The following TRMT13 variants were observed in gnomAD, a reference collection of about 807,000 sequenced individuals.
The protein encoded by TRMT13 is tRNA:m(4)X modification enzyme TRM13 homolog.
In TRMT13, 45 loss-of-function variants were observed where a neutral mutation model predicts 55.9. The observed-to-expected ratio is 0.80, with a 90% CI of 0.63 to 1.03. The LOEUF is 1.03. Among genes scored for constraint, TRMT13 ranks in the 50% least tolerant of loss-of-function variants. TRMT13 has a pLI of 0.00. For missense variants in TRMT13, 513 were observed against 563.9 expected (o/e 0.91, Z 0.91); for synonymous variants, 183 against 196.3 (o/e 0.93, Z 0.57).
Position 100,133,496 on chromosome 1 carries a change from G to T in TRMT13, c.147+181G>T, listed in dbSNP as rs557406155. Among the ~76,000 whole-genome samples, 13 of 152,216 alleles carry T rather than the reference G, an allele frequency of 8.5e-5. No individual in the cohort carries two copies. In the East Asian group the frequency reaches 2.1e-3, roughly 25 times the overall value. On this transcript the variant is annotated intron_variant, in intron 1 of 10. Transcript: ENST00000370141. ...GAGCGATTATGAGTTCTAGTGATGA[G>T]AAATTTTTTATTTTTCTAAGTAAAG... is the stretch of plus-strand genomic sequence containing the variant.
chr1:100,142,168 A>G (rs1360161268), intron 7 of TRMT13, among the ~76,000 whole-genome samples: 1 of 152,210 alleles, frequency 6.6e-6, no homozygotes, highest in Non-Finnish European at 1.5e-5. Context: ...ACCCAATCCT[A>G]TGGGAGCATG....
At chr1:100,146,631 G>T (rs995322168) in intron 9 of TRMT13, among the ~76,000 whole-genome samples, 6 of 151,938 alleles carry the variant, frequency 3.9e-5, no homozygotes, top group African/African-American at 1.5e-4. Context: ...TCAGCCTCCC[G>T]AATTGCTGGG....
In TRMT13 at chr1:100,133,220, A is replaced by AC. The variant is rs749898118; in HGVS notation, c.52_53insC (p.Arg18ThrfsTer26). 1.9e-6 allele frequency: 3 copies of AC among 1,614,176 alleles called. No homozygotes were observed. ...CGCGCCTGGTTTTCCAGCTGAGGGT[A>AC]GATGCGGTTACTATGTGGAAAAGAA... On this transcript the variant is annotated frameshift_variant, in exon 1 of 11. Transcript: ENST00000370141. LOFTEE classifies it high-confidence loss of function.
intron 9 of TRMT13, among the ~76,000 whole-genome samples, chr1:100,146,230 C>G (rs1376794577): frequency 6.6e-6 from 1 of 152,186 alleles, no homozygotes; most frequent in Non-Finnish European, 1.5e-5. Context: ...ATAATACCCT[C>G]TGCATATTTT....
chr1:100,141,026 G>T lies in TRMT13; in HGVS notation c.669+7G>T. 1 of 1,608,948 alleles carries T rather than the reference G, an allele frequency of 6.2e-7. No homozygotes were observed. Among genetic ancestry groups the T allele is most frequent in the South Asian group, 1.1e-5 (1 of 90,372 alleles). Reference sequence around the variant, plus strand: ...GGTGACCACAAGATTCAAGGTAAGTGAAACCATTGCTCTGTGTTAGTAACC... The same window carrying T: ...GGTGACCACAAGATTCAAGGTAAGTTAAACCATTGCTCTGTGTTAGTAACC... On this transcript the variant is annotated splice_region_variant and intron_variant, in intron 7 of 10. Coordinates refer to ENST00000370141, the MANE Select transcript of TRMT13 (RefSeq NM_019083.3).
rs762708286 is a variant in TRMT13 at position 100,149,470 on chromosome 1, T to A, written c.*650T>A. 6.6e-6 allele frequency: 10 copies of A among 1,523,076 alleles called. 1 individual carries two copies. In the South Asian group the frequency reaches 1.3e-4, roughly 19 times the overall value. 94.3% of individuals were successfully genotyped at this position (1,523,076 alleles called of 1,614,324 possible). On this transcript the variant is annotated 3_prime_UTR_variant, in exon 11 of 11. Transcript: ENST00000370141. ...AAGAAAAAAGATTATTTCACTTAAT[T>A]ATTTTGTTGGATAATTGTCTAGTTA...
At position 100,133,194 on chromosome 1, in the gene TRMT13, A is replaced by C; in HGVS notation, c.26A>C (p.His9Pro). 6.2e-7 allele frequency: 1 copy of C among 1,614,152 alleles called. No homozygotes were observed. Among genetic ancestry groups the C allele is most frequent in the Non-Finnish European group, 8.5e-7 (1 of 1,180,020 alleles). The change falls in exon 1 of 11, where the codon CAC becomes CCC. Residue 9 changes from histidine (H) to proline (P), a missense_variant. Physicochemically the swap from His to Pro is moderately conservative, Grantham distance 77. Coordinates refer to ENST00000370141, the MANE Select transcript of TRMT13 (RefSeq NM_019083.3). Reference sequence around the variant, plus strand: ...ATGGCGACCTCCGCGACGTCGCCGCACGCGCCTGGTTTTCCAGCTGAGGGT... The same window carrying C: ...ATGGCGACCTCCGCGACGTCGCCGCCCGCGCCTGGTTTTCCAGCTGAGGGT... MATSATSP[H>P]APGFPAEGRC... is the part of the protein sequence containing the mutation.
Position 100,148,324 on chromosome 1 carries a change from T to C in TRMT13, c.1248T>C (p.Pro416=), listed in dbSNP as rs1477050861. 1 of 1,611,090 alleles carries C rather than the reference T, an allele frequency of 6.2e-7. No individual in the cohort carries two copies. The highest frequency in any genetic ancestry group is 8.5e-7 in the Non-Finnish European group (1 of 1,178,348). ...RITDDGADCL[P]GLLSVEEKKK... ...CAGATGATGGCGCTGATTGTTTGCC[T>C]GGGTAAGAGACTACTTTTGTAATGC... is the stretch of plus-strand genomic sequence containing the variant. The change falls in exon 10 of 11, where the codon CCT becomes CCC. Residue 416 remains proline, a splice_region_variant and synonymous_variant. Coordinates refer to ENST00000370141, the MANE Select transcript of TRMT13 (RefSeq NM_019083.3).
intron 1 of TRMT13, 116 bp downstream of exon 1, chr1:100,133,431 C>T: frequency 1.6e-6 from 2 of 1,268,970 alleles, no homozygotes; most frequent in Non-Finnish European, 2.1e-6. Flanking sequence ...CTGGATTCTC[C>T]AGCTTTCACT....
intron 9 of TRMT13, among the ~76,000 whole-genome samples, chr1:100,146,130 A>G (rs562901949): frequency 1.3e-5 from 2 of 152,162 alleles, no homozygotes; most frequent in South Asian, 4.2e-4. Context: ...CCCAAACAAA[A>G]CAACTGGTCA....
chr1:100,145,964 T>G (rs558208141), intron 9 of TRMT13, among the ~76,000 whole-genome samples: 2 of 152,354 alleles, frequency 1.3e-5, no homozygotes, highest in Admixed American at 1.3e-4. Flanking sequence ...CCAAACTCTT[T>G]GACATAACGT....
At chr1:100,141,668 A>G (rs1656655306) in intron 7 of TRMT13, among the ~76,000 whole-genome samples, 1 of 152,196 alleles carries the variant, frequency 6.6e-6, no homozygotes, top group Non-Finnish European at 1.5e-5. Flanking sequence ...GACCCAGGCA[A>G]ATACATAAAT....
chr1:100,137,138 G>C (rs1655983020), intron 3 of TRMT13, 53 bp downstream of exon 3: 1 of 1,392,718 alleles, frequency 7.2e-7, no homozygotes, highest in Non-Finnish European at 1.0e-6. Context: ...GTAATGCCTT[G>C]GTAGATGCTG....
At chr1:100,144,286 A>G in intron 9 of TRMT13, 143 bp downstream of exon 9, 1 of 604,136 alleles carries the variant, frequency 1.7e-6, no homozygotes, top group South Asian at 2.2e-5. Context: ...CCTGTGCTTT[A>G]TTAGATGCAT....
Position 100,140,654 on chromosome 1 carries a change from A to G in TRMT13, c.501+140A>G, listed in dbSNP as rs1032177234. Reference sequence around the variant, plus strand: ...TTCCATTTCAAAAATATATAGAAACATATACAAAAAATTGAGGGCATGGAT... The same window carrying G: ...TTCCATTTCAAAAATATATAGAAACGTATACAAAAAATTGAGGGCATGGAT... On this transcript the variant is annotated intron_variant, in intron 6 of 10. Transcript: ENST00000370141. The G allele has an allele frequency of 8.2e-6, 7 of 851,772 alleles. No individual in the cohort carries two copies. The South Asian group carries it at 1.1e-4, about 13-fold the overall frequency. The allele number at this position is 851,772 out of a possible 1,614,324, so 52.8% of individuals were successfully genotyped here.
intron 1 of TRMT13, among the ~76,000 whole-genome samples, chr1:100,134,232 A>T (rs1655489164): frequency 6.6e-6 from 1 of 152,180 alleles, no homozygotes; most frequent in Admixed American, 6.5e-5. Context: ...ACTATCAAAC[A>T]CTTTATATTT....
intron 4 of TRMT13, 109 bp downstream of exon 4, chr1:100,139,820 A>G (rs1037840619): frequency 5.5e-6 from 4 of 724,712 alleles, no homozygotes; most frequent in African/African-American, 5.4e-5. Flanking sequence ...TTAATTTAGA[A>G]TGCATTTTCC....
chr1:100,149,563 ATC>A lies in TRMT13; in HGVS notation c.*746_*747del, dbSNP rs1227673403. ...AAATAATTTCTGAAGTTGATTAGCTATCTCATATCTTTTATCAGGTCATTTTT... is the reference window on the plus strand; with the variant it reads ...AAATAATTTCTGAAGTTGATTAGCTATCATATCTTTTATCAGGTCATTTTT... On this transcript the variant is annotated 3_prime_UTR_variant, in exon 11 of 11. Transcript: ENST00000370141. 1 of 836,770 alleles carries A rather than the reference ATC, an allele frequency of 1.2e-6. No individual in the cohort carries two copies. The highest frequency in any genetic ancestry group is 3.0e-5 in the East Asian group (1 of 33,220). The allele number at this position is 836,770 out of a possible 1,614,324, so 51.8% of individuals were successfully genotyped here.
intron 1 of TRMT13, 41 bp downstream of exon 1, chr1:100,133,356 A>G (rs775018194): frequency 1.1e-5 from 18 of 1,599,538 alleles, no homozygotes; most frequent in Non-Finnish European, 1.5e-5. Context: ...GGAAATAAGT[A>G]TCCTGGTCCT....
Sources: allele counts gnomAD v4.1 joint callset (sites outside exome capture counted in the v4.1 genomes callset), GRCh38; gene constraint gnomAD v4.1.1; transcripts MANE v1.5; gene names NCBI Gene and HGNC (gene_info 2026-07-23, HGNC 2026-07-21).